Variants in CNDP1 observed in about 807,000 individuals in gnomAD.
CNDP1 encodes the protein carnosine dipeptidase 1, also known as beta-Ala-His dipeptidase.
Under a neutral mutation model 58.1 loss-of-function variants are expected in CNDP1, and 44 were observed. The ratio of observed to expected loss-of-function variants is 0.76; its 90% confidence interval spans 0.60 to 0.97. CNDP1 has a LOEUF of 0.97. CNDP1 is among the 50% of genes least tolerant of loss of function. The pLI is 0.00. For missense variants in CNDP1, 616 were observed against 655.1 expected, an observed-to-expected ratio of 0.94 and a Z score of 0.65; for synonymous variants, 254 against 252.6, an observed-to-expected ratio of 1.01 and a Z score of -0.05.
At chr18:74,540,140 A>G (rs372572612) in intron 1 of CNDP1, among the ~76,000 whole-genome samples, 1 of 149,878 alleles carries the variant, frequency 6.7e-6, no homozygotes, top group African/African-American at 2.5e-5. Context: ...TACACTTTAC[A>G]TTTGTGTGGT....
chr18:74,580,041 A>ATTAAT, intron 9 of CNDP1, 89 bp from the exon 10 acceptor site: 3 of 1,144,330 alleles, frequency 2.6e-6, no homozygotes, highest in Non-Finnish European at 1.3e-6. Context: ...TATTAACTGT[A>ATTAAT]CTAATCAGTT....
intron 5 of CNDP1, among the ~76,000 whole-genome samples, chr18:74,564,717 A>T (rs530357446): frequency 1.3e-5 from 2 of 152,186 alleles, no homozygotes; most frequent in Admixed American, 6.5e-5. Flanking sequence ...CCTTTCCCCA[A>T]TTCTTGATCA....
intron 1 of CNDP1, among the ~76,000 whole-genome samples, chr18:74,555,692 G>T (rs1197385096): frequency 1.3e-5 from 2 of 152,098 alleles, no homozygotes; most frequent in Non-Finnish European, 2.9e-5. Flanking sequence ...AGGAGACAGG[G>T]TTGTGGTTGG....
chr18:74,544,751 T>C (rs1980715446), intron 1 of CNDP1, among the ~76,000 whole-genome samples: 1 of 141,004 alleles, frequency 7.1e-6, no homozygotes, highest in African/African-American at 2.6e-5. Flanking sequence ...GGATATTATA[T>C]AGTGGTAAGA....
chr18:74,563,305 G>T (rs1013047978), intron 5 of CNDP1, among the ~76,000 whole-genome samples: 1 of 152,008 alleles, frequency 6.6e-6, no homozygotes, highest in African/African-American at 2.4e-5. Context: ...CATCACATAC[G>T]CCCTGAGCAT....
chr18:74,573,512 A>C (rs1383369476), intron 7 of CNDP1, among the ~76,000 whole-genome samples: 2 of 151,788 alleles, frequency 1.3e-5, no homozygotes, highest in Non-Finnish European at 2.9e-5. Context: ...GTTTTCCTGA[A>C]ATATAGCTCT....
At chr18:74,560,327 G>C (rs1170084978) in intron 3 of CNDP1, among the ~76,000 whole-genome samples, 1 of 152,150 alleles carries the variant, frequency 6.6e-6, no homozygotes, top group Non-Finnish European at 1.5e-5. Flanking sequence ...CTGCATTCTT[G>C]CTGAAGAGGA....
intron 1 of CNDP1, among the ~76,000 whole-genome samples, chr18:74,547,840 G>T (rs915579839): frequency 1.3e-5 from 2 of 152,174 alleles, no homozygotes; most frequent in African/African-American, 4.8e-5. Context: ...TAAACCTCCC[G>T]CTAAGAGTTA....
chr18:74,557,727 G>A (rs764836548), intron 2 of CNDP1, among the ~76,000 whole-genome samples: 9 of 152,336 alleles, frequency 5.9e-5, no homozygotes, highest in Admixed American at 3.9e-4. Flanking sequence ...CCCACATCAT[G>A]TCTGGCACAG....
chr18:74,578,312 T>C lies in CNDP1; in HGVS notation c.1152T>C (p.Ser384=), dbSNP rs755283637. 233 of 1,604,270 alleles carry C rather than the reference T, an allele frequency of 1.5e-4. No individual in the cohort carries two copies. The highest frequency in any genetic ancestry group is 1.9e-4 in the Non-Finnish European group (226 of 1,176,496). The change falls in exon 9 of 12, where the codon TCT becomes TCC. Residue 384 remains serine (S), a synonymous_variant. Coordinates refer to ENST00000358821, the MANE Select transcript of CNDP1 (RefSeq NM_032649.6). ...SIRLVPHMNV[S]AVEKQVTRHL... Reference sequence around the variant, plus strand: ...GTCTAGTCCCTCACATGAATGTGTCTGCGGTGGAAAAACAGGTAACAAATG... The same window carrying C: ...GTCTAGTCCCTCACATGAATGTGTCCGCGGTGGAAAAACAGGTAACAAATG...
intron 11 of CNDP1, 88 bp from the exon 12 acceptor site, chr18:74,584,408 A>G: frequency 1.1e-6 from 1 of 905,090 alleles, no homozygotes; most frequent in Non-Finnish European, 1.8e-6. Flanking sequence ...ATAACATCAA[A>G]TCTTCCTGTC....
chr18:74,558,392 C>CTTTTTTTTTTTTTTTT (rs71168498), intron 2 of CNDP1, among the ~76,000 whole-genome samples: 20 of 114,310 alleles, frequency 1.7e-4, no homozygotes, highest in Non-Finnish European at 2.5e-4. Flanking sequence ...CTTTCTTTTT[C>CTTTTTTTTTTTTTTTT]TTTTTTTTTT....
chr18:74,566,483 T>C (rs895923634), intron 5 of CNDP1, among the ~76,000 whole-genome samples: 1 of 152,246 alleles, frequency 6.6e-6, no homozygotes, highest in Non-Finnish European at 1.5e-5. Context: ...GCTTTGACAT[T>C]TCTTTTACCA....
intron 1 of CNDP1, among the ~76,000 whole-genome samples, chr18:74,549,627 A>G (rs1980849227): frequency 6.6e-6 from 1 of 152,250 alleles, no homozygotes; most frequent in South Asian, 2.1e-4. Context: ...GAATTTGAAC[A>G]GGTTGCAGAG....
In CNDP1 at chr18:74,545,013, G is replaced by A. The variant is rs968158025; in HGVS notation, c.24+10322G>A. ...CAGAGACTGGAAGGACACAGTCACA[G>A]CAAAGGACTGCTGCCAACACCAGAA... On this transcript the variant is annotated intron_variant, in intron 1 of 11. Coordinates refer to ENST00000358821, the MANE Select transcript of CNDP1 (RefSeq NM_032649.6). The surrounding 1 kb of genome is among the most constrained non-coding windows in gnomAD (Gnocchi z 4.1). Among the ~76,000 whole-genome samples, 3 of 152,186 alleles carry A rather than the reference G, an allele frequency of 2.0e-5. No homozygotes were observed. The highest frequency in any genetic ancestry group is 4.4e-5 in the Non-Finnish European group (3 of 68,032).
chr18:74,541,060 C>T (rs1027396144), intron 1 of CNDP1, among the ~76,000 whole-genome samples: 33 of 152,130 alleles, frequency 2.2e-4, no homozygotes, highest in African/African-American at 7.0e-4. Context: ...GAGAGGCCTG[C>T]GAGTTGTTGG....
rs1981652407 is a variant in CNDP1 at position 74,577,014 on chromosome 18, T to C, written c.987T>C (p.Phe329=). ...EYRNSSRVEK[F]LFDTKEEILM... ...GGAATAGCAGCCGGGTTGAGAAATT[T>C]CTGTTCGATACTAAGGTATGGCCAC... Residue 329 remains phenylalanine, a synonymous_variant, in exon 8 of 12, where the codon TTT becomes TTC. Transcript: ENST00000358821. 9 of 1,612,572 alleles carry C rather than the reference T, an allele frequency of 5.6e-6. No homozygotes were observed. The highest frequency in any genetic ancestry group is 7.6e-6 in the Non-Finnish European group (9 of 1,179,358).
chr18:74,555,730 T>C (rs148735804), intron 1 of CNDP1, among the ~76,000 whole-genome samples: 3,316 of 152,228 alleles, frequency 0.022, 126 homozygotes, highest in African/African-American at 0.074. Context: ...TTGCACCATG[T>C]TGGCCAGGCT....
At chr18:74,577,147 G>A in intron 8 of CNDP1, 118 bp downstream of exon 8, 1 of 965,614 alleles carries the variant, frequency 1.0e-6, no homozygotes, top group Non-Finnish European at 1.5e-6. Context: ...CAAAGCAGAT[G>A]TGAATTCCCA....
Sources: gnomAD v4.1 joint callset for allele counts (sites outside exome capture counted in the v4.1 genomes callset) on GRCh38, gnomAD v4.1.1 for gene constraint, Gnocchi (gnomAD v3.1) non-coding constraint, MANE v1.5 for transcripts, NCBI Gene and HGNC (gene_info 2026-07-23, HGNC 2026-07-21) for gene names.